Variants in MEF2C observed in about 807,000 individuals in gnomAD.
The protein encoded by MEF2C is myocyte enhancer factor 2C.
MEF2C carries 6 observed loss-of-function variants against 50.5 expected under a neutral mutation model. The ratio of observed to expected loss-of-function variants is 0.12; its 90% CI spans 0.07 to 0.23. The LOEUF is 0.23. MEF2C is among the 10% of genes least tolerant of loss of function. The pLI is 1.00. For synonymous variants in MEF2C, 183 were observed against 228.0 expected (o/e 0.80, Z 1.78); for missense variants, 276 against 605.0 (o/e 0.46, Z 5.70).
At chr5:88,869,272 T>TATATATATATATATATATATAA in intron 1 of MEF2C, among the ~76,000 whole-genome samples, 1 of 50,292 alleles carries the variant, frequency 2.0e-5, no homozygotes, top group Admixed American at 2.4e-4. Flanking sequence ...TATATATATA[T>TATATATATATATATATATATAA]ATATACATAT....
chr5:88,820,399 C>T (rs1807717804), intron 2 of MEF2C, among the ~76,000 whole-genome samples: 1 of 151,754 alleles, frequency 6.6e-6, no homozygotes, highest in African/African-American at 2.4e-5. Flanking sequence ...TGAGCTGTTC[C>T]CTACTTCCAT....
intron 1 of MEF2C, among the ~76,000 whole-genome samples, chr5:88,869,262 T>TATATATAC (rs1554050879): frequency 1.6e-4 from 12 of 72,978 alleles, no homozygotes; most frequent in Admixed American, 8.3e-4. Context: ...CATATATATA[T>TATATATAC]ATATATATAT....
chr5:88,737,008 G>T (rs1764397056), intron 6 of MEF2C: 2 of 985,174 alleles, frequency 2.0e-6, no homozygotes, highest in Non-Finnish European at 2.4e-6. Flanking sequence ...GCAATTAGTG[G>T]CAGCGATAAT....
At chr5:88,748,192 G>A in intron 6 of MEF2C, 1 of 983,580 alleles carries the variant, frequency 1.0e-6, no homozygotes, top group African/African-American at 1.7e-5. Context: ...ATAATTAGCA[G>A]GCTATTCTAC....
intron 6 of MEF2C, among the ~76,000 whole-genome samples, chr5:88,744,552 CAA>C (rs921733694): frequency 2.7e-5 from 4 of 145,930 alleles, no homozygotes; most frequent in Admixed American, 6.8e-5. Flanking sequence ...GACTCCGTCT[CAA>C]AAAAAAAAGT....
At chr5:88,887,584 A>G (rs1052558246), upstream of MEF2C, 2 of 152,064 alleles carry the variant, frequency 1.3e-5, no homozygotes. Context: ...ACAGTTTGCA[A>G]CTCTTCTTTG....
At chr5:88,734,748 A>G in intron 6 of MEF2C, 1 of 983,266 alleles carries the variant, frequency 1.0e-6, no homozygotes, top group Non-Finnish European at 1.2e-6. Context: ...CAAAACTAAA[A>G]AAATTGATTT....
chr5:88,784,799 GT>G (rs1446360894), intron 3 of MEF2C, among the ~76,000 whole-genome samples: 1 of 152,160 alleles, frequency 6.6e-6, no homozygotes, highest in Non-Finnish European at 1.5e-5. Flanking sequence ...CACTATCTAG[GT>G]TGAAAATGGT....
At chr5:88,841,587 A>C (rs1817406018) in intron 1 of MEF2C, among the ~76,000 whole-genome samples, 2 of 152,052 alleles carry the variant, frequency 1.3e-5, no homozygotes, top group Non-Finnish European at 2.9e-5. Flanking sequence ...TTCCAGGAGG[A>C]GTTCCATGAA....
chr5:88,852,505 TAACAAAGA>T (rs1184287228), intron 1 of MEF2C, among the ~76,000 whole-genome samples: 1 of 152,206 alleles, frequency 6.6e-6, no homozygotes, highest in Non-Finnish European at 1.5e-5. Context: ...AAACTTTCCT[TAACAAAGA>T]TTTTTATTTT....
chr5:88,722,381 G>A lies in MEF2C; in HGVS notation c.*223C>T, dbSNP rs1282495432. 6.1e-6 allele frequency: 3 copies of A among 492,744 alleles called. No homozygotes were observed. Among genetic ancestry groups the A allele is most frequent in the Non-Finnish European group, 1.1e-5 (3 of 278,996 alleles). 30.5% of individuals were successfully genotyped at this position (492,744 alleles called of 1,614,324 possible). The stretch of plus-strand genomic sequence containing the variant: ...GCCTTAAAATCTATTTTGTACAAGT[G>A]TTCTGTTGTACAACTCAAGTGCTAA... On this transcript the variant is annotated 3_prime_UTR_variant, in exon 11 of 11. Coordinates refer to ENST00000504921, the MANE Select transcript of MEF2C (RefSeq NM_002397.5).
At chr5:88,894,263 AACGAC>A (rs1234022967) in intron 1 of MEF2C, among the ~76,000 whole-genome samples, 1 of 152,206 alleles carries the variant, frequency 6.6e-6, no homozygotes, top group Admixed American at 6.5e-5. Context: ...CTAAGTGCCA[AACGAC>A]ATAAAACCAA....
chr5:88,873,306 T>G (rs757025350), intron 1 of MEF2C, among the ~76,000 whole-genome samples: 1 of 152,108 alleles, frequency 6.6e-6, no homozygotes, highest in East Asian at 1.9e-4. Context: ...GACATGGCAT[T>G]GGGCTGTGAT....
In MEF2C at chr5:88,736,621, C is replaced by T. The variant is rs146856347; in HGVS notation, c.638-4720G>A. 12 of 984,760 alleles carry T rather than the reference C, an allele frequency of 1.2e-5. No homozygotes were observed. In the East Asian group the frequency reaches 6.8e-4, roughly 56 times the overall value. 61.0% of individuals were successfully genotyped at this position (984,760 alleles called of 1,614,324 possible). A position where few individuals can be genotyped will look rare whatever the true frequency, so the allele number is the denominator to read the frequency against. On this transcript the variant is annotated intron_variant, in intron 6 of 10. Transcript: ENST00000504921. ...GAGTTTCAGGCCTTCAGAGGAGTTCCTTAAAGCTGTATGCAAACTTTTGTG... is the reference window on the plus strand; with the variant it reads ...GAGTTTCAGGCCTTCAGAGGAGTTCTTTAAAGCTGTATGCAAACTTTTGTG...
At chr5:88,876,364 A>C (rs1831072683) in intron 1 of MEF2C, among the ~76,000 whole-genome samples, 1 of 151,964 alleles carries the variant, frequency 6.6e-6, no homozygotes, top group South Asian at 2.1e-4. Flanking sequence ...ATAATTTCTA[A>C]AAGTAAAATG....
chr5:88,807,190 T>A (rs923309294), intron 2 of MEF2C, among the ~76,000 whole-genome samples: 1 of 152,200 alleles, frequency 6.6e-6, no homozygotes, highest in African/African-American at 2.4e-5. Context: ...AATGCCGAAT[T>A]TGCTAGTCAT....
At chr5:88,748,365 T>C (rs1770976571) in intron 6 of MEF2C, among the ~76,000 whole-genome samples, 2 of 152,248 alleles carry the variant, frequency 1.3e-5, no homozygotes, top group Non-Finnish European at 1.5e-5. Flanking sequence ...TTACTTGTTA[T>C]GCCAATAGTG....
intron 2 of MEF2C, among the ~76,000 whole-genome samples, chr5:88,807,504 G>C (rs146428387): frequency 0.016 from 2,505 of 152,262 alleles, 38 homozygotes; most frequent in Non-Finnish European, 0.024. Flanking sequence ...AAAGTGCTAG[G>C]ATTACAGGCA....
intron 1 of MEF2C, among the ~76,000 whole-genome samples, chr5:88,898,970 A>T (rs1204671861): frequency 6.6e-6 from 1 of 152,118 alleles, no homozygotes; most frequent in Non-Finnish European, 1.5e-5. Context: ...AAATAAATAT[A>T]TTATCATGCT....
Sources: gnomAD v4.1 joint callset for allele counts (sites outside exome capture counted in the v4.1 genomes callset) on GRCh38, gnomAD v4.1.1 for gene constraint, MANE v1.5 for transcripts, NCBI Gene and HGNC (gene_info 2026-07-23, HGNC 2026-07-21) for gene names.